Variants in VRK2 observed in about 807,000 individuals in gnomAD.
VRK2 encodes the protein serine/threonine-protein kinase VRK2.
VRK2 carries 60 observed loss-of-function variants against 57.6 expected under a neutral mutation model. That is an observed-to-expected ratio of 1.04 (90% CI 0.85 to 1.29). The LOEUF is 1.29. Among genes scored for constraint, VRK2 ranks in the 50% most tolerant of loss-of-function variants. VRK2 has a pLI of 0.00. For missense variants in VRK2, 705 were observed against 588.1 expected, an observed-to-expected ratio of 1.20 and a Z score of -2.06; for synonymous variants, 231 against 199.2, an observed-to-expected ratio of 1.16 and a Z score of -1.35.
intron 1 of VRK2, among the ~76,000 whole-genome samples, chr2:57,919,214 T>A (rs1670256621): frequency 6.6e-6 from 1 of 152,048 alleles, no homozygotes; most frequent in African/African-American, 2.4e-5. Context: ...AGGGAAGTTT[T>A]GAGTATGAAA....
At chr2:58,031,360 T>C (rs1468387881) in intron 2 of VRK2, among the ~76,000 whole-genome samples, 1 of 151,888 alleles carries the variant, frequency 6.6e-6, no homozygotes, top group Non-Finnish European at 1.5e-5. Context: ...GTGTCCCCTA[T>C]CCCCTCAGGA....
intron 1 of VRK2, among the ~76,000 whole-genome samples, chr2:58,005,224 A>G (rs956299415): frequency 1.1e-4 from 16 of 152,216 alleles, no homozygotes; most frequent in African/African-American, 3.9e-4. Flanking sequence ...TTACACAGGG[A>G]TTAAACAACA....
At chr2:58,127,123 GAAAT>G (rs1444687217) in intron 8 of VRK2, among the ~76,000 whole-genome samples, 1 of 151,882 alleles carries the variant, frequency 6.6e-6, no homozygotes, top group African/African-American at 2.4e-5. Context: ...TAGTATCAAA[GAAAT>G]AAATATATTG....
intron 1 of VRK2, among the ~76,000 whole-genome samples, chr2:57,997,753 G>A (rs2103617114): frequency 6.6e-6 from 1 of 152,186 alleles, no homozygotes; most frequent in South Asian, 2.1e-4. Context: ...AATTAGCCAG[G>A]CAATGGTGGG....
At chr2:57,991,370 GA>G (rs200338969) in intron 1 of VRK2, among the ~76,000 whole-genome samples, 27,858 of 145,000 alleles carry the variant, frequency 0.19, 3,441 homozygotes, top group African/African-American at 0.36. Flanking sequence ...TTATATTTTA[GA>G]AAAAAAAAAA....
In VRK2 at chr2:58,048,955, T is replaced by C. The variant is rs377567348; in HGVS notation, c.124T>C (p.Leu42=). 1.9e-5 allele frequency: 30 copies of C among 1,612,652 alleles called. No individual in the cohort carries two copies. The African/African-American group carries it at 3.3e-4, about 18-fold the overall frequency. The change falls in exon 2 of 13, where the codon TTG becomes CTG. Residue 42 remains leucine, a synonymous_variant. Transcript: ENST00000340157. Reference sequence around the variant, plus strand: ...GAAGATTGGCTCTGGAGGATTTGGATTGATATATTTAGGTAAAGTAAAACC... The same window carrying C: ...GAAGATTGGCTCTGGAGGATTTGGACTGATATATTTAGGTAAAGTAAAACC... The part of the protein sequence containing the change: ...GKKIGSGGFG[L]IYLAFPTNKP...
chr2:58,014,917 GCTT>G (rs1458339839), intron 1 of VRK2, among the ~76,000 whole-genome samples: 2 of 152,108 alleles, frequency 1.3e-5, no homozygotes, highest in East Asian at 3.8e-4. Flanking sequence ...TGGAAACTCT[GCTT>G]CTTTTTTTTA....
intron 1 of VRK2, among the ~76,000 whole-genome samples, chr2:57,996,764 G>C (rs1450795669): frequency 2.0e-5 from 3 of 151,974 alleles, no homozygotes; most frequent in Non-Finnish European, 4.4e-5. Context: ...TAAGTCCCTT[G>C]TATAAAATGG....
chr2:57,960,425 A>G (rs1415674814), intron 1 of VRK2, among the ~76,000 whole-genome samples: 1 of 152,188 alleles, frequency 6.6e-6, no homozygotes, highest in Non-Finnish European at 1.5e-5. Context: ...AGATACAGAA[A>G]ATATTTGAAG....
chr2:58,081,109 G>A (rs1274848146), intron 2 of VRK2, among the ~76,000 whole-genome samples: 2 of 151,872 alleles, frequency 1.3e-5, no homozygotes, highest in Non-Finnish European at 2.9e-5. Context: ...CAAATTCATG[G>A]CCTGCTGCTC....
chr2:58,030,225 A>T (rs530184994), intron 2 of VRK2, among the ~76,000 whole-genome samples: 2 of 152,210 alleles, frequency 1.3e-5, no homozygotes, highest in Admixed American at 6.5e-5. Context: ...AGATCTAATA[A>T]GTTTAACTTA....
chr2:58,018,388 T>C (rs562322985), intron 1 of VRK2, among the ~76,000 whole-genome samples: 1 of 152,226 alleles, frequency 6.6e-6, no homozygotes, highest in Non-Finnish European at 1.5e-5. Context: ...TCGTACCTTG[T>C]TAATTCTAAA....
chr2:58,022,813 T>G (rs1195116110), intron 1 of VRK2, among the ~76,000 whole-genome samples: 1 of 152,112 alleles, frequency 6.6e-6, no homozygotes, highest in Non-Finnish European at 1.5e-5. Flanking sequence ...AGGCAGAGGT[T>G]GCAGTGAGCC....
intron 2 of VRK2, chr2:58,058,294 G>A (rs1676828594): frequency 1.7e-5 from 8 of 459,304 alleles, no homozygotes; most frequent in South Asian, 1.1e-4. Flanking sequence ...CTTTTAATAG[G>A]GATGCTGTAT....
intron 1 of VRK2, among the ~76,000 whole-genome samples, chr2:57,927,576 G>A (rs1183990611): frequency 6.6e-6 from 1 of 152,108 alleles, no homozygotes; most frequent in Non-Finnish European, 1.5e-5. Context: ...CAGGATATAA[G>A]TAGTTTATGA....
chr2:58,138,640 G>A (rs1158438871), intron 10 of VRK2, among the ~76,000 whole-genome samples: 1 of 152,138 alleles, frequency 6.6e-6, no homozygotes, highest in African/African-American at 2.4e-5. Context: ...TAGGCCTAGA[G>A]GGGAAGTGAA....
chr2:57,999,176 G>C (rs373984440), intron 1 of VRK2, among the ~76,000 whole-genome samples: 2 of 152,030 alleles, frequency 1.3e-5, no homozygotes, highest in Non-Finnish European at 2.9e-5. Flanking sequence ...AATCAACTTC[G>C]TCACTCTGTA....
At chr2:58,143,948 T>G (rs1374003083) in intron 11 of VRK2, among the ~76,000 whole-genome samples, 1 of 151,650 alleles carries the variant, frequency 6.6e-6, no homozygotes, top group Non-Finnish European at 1.5e-5. Flanking sequence ...TGTCTGTTTG[T>G]GTATATATGT....
chr2:58,122,658 A>G (rs1352844350), intron 7 of VRK2, among the ~76,000 whole-genome samples: 3 of 152,174 alleles, frequency 2.0e-5, no homozygotes, highest in South Asian at 2.1e-4. Context: ...GTTCAAACCC[A>G]TGTTGTTCAA....
Sources: allele counts gnomAD v4.1 joint callset (sites outside exome capture counted in the v4.1 genomes callset), GRCh38; gene constraint gnomAD v4.1.1; transcripts MANE v1.5; gene names NCBI Gene and HGNC (gene_info 2026-07-23, HGNC 2026-07-21).